PAQR5: variants seen among roughly 807,000 people sequenced by gnomAD.
The protein encoded by PAQR5 is membrane progestin receptor gamma.
PAQR5 carries 20 observed loss-of-function variants against 34.5 expected under a neutral mutation model. The observed-to-expected ratio is 0.58, with a 90% CI of 0.41 to 0.84. The LOEUF is 0.84. Ranked by LOEUF, PAQR5 falls within the 40% of genes least tolerant of loss-of-function variation. The pLI is 0.00. For missense variants in PAQR5, 378 were observed against 412.7 expected, an observed-to-expected ratio of 0.92 and a Z score of 0.73; for synonymous variants, 131 against 155.6, an observed-to-expected ratio of 0.84 and a Z score of 1.18.
At chr15:69,312,135 C>T (rs1185262058) in intron 1 of PAQR5, among the ~76,000 whole-genome samples, 1 of 151,794 alleles carries the variant, frequency 6.6e-6, no homozygotes, top group Non-Finnish European at 1.5e-5. Flanking sequence ...TTTGGGTGTC[C>T]GGGAGGACAG....
At chr15:69,321,323 T>C (rs1451863435) in intron 1 of PAQR5, among the ~76,000 whole-genome samples, 24 of 152,258 alleles carry the variant, frequency 1.6e-4, no homozygotes, top group Admixed American at 1.6e-3. Context: ...GTAGATTAAC[T>C]TCCATGCTGG....
At position 69,405,042 on chromosome 15, in the gene PAQR5, G is replaced by A. The variant is rs995013700; in HGVS notation, c.*1220G>A. ...CAAGTTTTAGCAACTCACCAACTAAGGCGTAACCTCATTTTATGTTCCAGC... is the reference window on the plus strand; with the variant it reads ...CAAGTTTTAGCAACTCACCAACTAAAGCGTAACCTCATTTTATGTTCCAGC... On this transcript the variant is annotated 3_prime_UTR_variant, in exon 9 of 9. Coordinates refer to ENST00000395407, the MANE Select transcript of PAQR5 (RefSeq NM_017705.4). The A allele has an allele frequency of 5.0e-6, 2 of 398,444 alleles. No individual in the cohort carries two copies. The highest frequency in any genetic ancestry group is 8.8e-6 in the Non-Finnish European group (2 of 226,048). The allele number at this position is 398,444 out of a possible 1,614,324, so 24.7% of individuals were successfully genotyped here.
In PAQR5 at chr15:69,398,529, G is replaced by C. The variant is rs140589438; in HGVS notation, c.609+965G>C. Among the ~76,000 whole-genome samples the C allele has an allele frequency of 8.5e-5, 13 of 152,298 alleles. No individual in the cohort carries two copies. The East Asian group carries it at 2.5e-3, about 29-fold the overall frequency. On this transcript the variant is annotated intron_variant, in intron 7 of 8. Transcript: ENST00000395407. ...CGGTGAGTGAAGCTCCCTCCTAGAGGCAGCGTCCTGTGGGCTTGAAGAATA... is the reference window on the plus strand; with the variant it reads ...CGGTGAGTGAAGCTCCCTCCTAGAGCCAGCGTCCTGTGGGCTTGAAGAATA...
chr15:69,383,798 T>C (rs2056008546), intron 4 of PAQR5, among the ~76,000 whole-genome samples: 1 of 55,670 alleles, frequency 1.8e-5, no homozygotes. Context: ...TTTGTGTTCA[T>C]GGTGGAGGGT....
chr15:69,300,939 CTT>C lies in PAQR5; in HGVS notation c.-277+1885_-277+1886del, dbSNP rs1318514731. On this transcript the variant is annotated intron_variant, in intron 1 of 8. Coordinates refer to ENST00000395407, the MANE Select transcript of PAQR5 (RefSeq NM_017705.4). ...TTTCTCTCTCTCTCTCTCTCTCTCT[CTT>C]TCTTTCCTTCTTTCTTTCTTTCTTT... Among the ~76,000 whole-genome samples the C allele has an allele frequency of 3.5e-3, 129 of 37,352 alleles. 27 individuals are homozygous for C. The highest frequency in any genetic ancestry group is 5.2e-3 in the African/African-American group (65 of 12,526). 24.5% of individuals were successfully genotyped at this position (37,352 alleles called of 152,430 possible).
chr15:69,303,483 A>G (rs7181515), intron 1 of PAQR5, among the ~76,000 whole-genome samples: 70,190 of 151,784 alleles, frequency 0.46, 19,046 homozygotes, highest in Middle Eastern at 0.62. Flanking sequence ...AAGGCAGCCA[A>G]TTCCTCTGCT....
chr15:69,300,505 A>C (rs1373812901), intron 1 of PAQR5, among the ~76,000 whole-genome samples: 1 of 152,002 alleles, frequency 6.6e-6, no homozygotes, highest in East Asian at 1.9e-4. Context: ...ACCCTTACCC[A>C]CGTGGGGCAA....
chr15:69,370,465 T>C (rs1161485527), intron 3 of PAQR5, among the ~76,000 whole-genome samples: 2 of 152,228 alleles, frequency 1.3e-5, no homozygotes, highest in African/African-American at 4.8e-5. Flanking sequence ...CAAACAGTTA[T>C]GTAAAGTGGT....
intron 1 of PAQR5, among the ~76,000 whole-genome samples, chr15:69,299,695 C>T (rs2053484484): frequency 6.6e-6 from 1 of 152,152 alleles, no homozygotes; most frequent in Non-Finnish European, 1.5e-5. Context: ...TCGGATGAGC[C>T]CAGGAGAGGG....
intron 1 of PAQR5, among the ~76,000 whole-genome samples, chr15:69,310,685 C>T (rs1292208410): frequency 6.6e-6 from 1 of 151,958 alleles, no homozygotes; most frequent in Non-Finnish European, 1.5e-5. Context: ...TTTTCCCTTC[C>T]TCATTTGGTC....
Position 69,403,793 on chromosome 15 carries a change from A to C in PAQR5, c.964A>C (p.Lys322Gln). 6.2e-7 allele frequency: 1 copy of C among 1,614,070 alleles called. No homozygotes were observed. The highest frequency in any genetic ancestry group is 8.5e-7 in the Non-Finnish European group (1 of 1,179,926). Reference protein sequence around the residue: ...YFSAALYRIPKPELHKKET With the variant: ...YFSAALYRIPQPELHKKET ...CTCAGCTGCTCTGTATCGGATTCCCAAGCCAGAATTACATAAAAAAGAAAC... is the reference window on the plus strand; with the variant it reads ...CTCAGCTGCTCTGTATCGGATTCCCCAGCCAGAATTACATAAAAAAGAAAC... The change falls in exon 9 of 9, where the codon AAG becomes CAG. Residue 322 changes from lysine to glutamine, a missense_variant. Physicochemically the swap from Lys to Gln is moderately conservative, Grantham distance 53. Coordinates refer to ENST00000395407, the MANE Select transcript of PAQR5 (RefSeq NM_017705.4).
chr15:69,353,712 G>T (rs549325829), intron 2 of PAQR5, among the ~76,000 whole-genome samples: 68 of 152,246 alleles, frequency 4.5e-4, no homozygotes, highest in Non-Finnish European at 7.6e-4. Context: ...GGAGGGAGGT[G>T]GGGGGCACCA....
intron 1 of PAQR5, among the ~76,000 whole-genome samples, chr15:69,328,582 C>A (rs1339039853): frequency 2.6e-5 from 4 of 152,102 alleles, no homozygotes; most frequent in Admixed American, 6.5e-5. Flanking sequence ...GGCTTGGGGG[C>A]AGGCCTGCAG....
At position 69,316,029 on chromosome 15, in the gene PAQR5, G is replaced by A. The variant is rs980060624; in HGVS notation, c.-277+16973G>A. 8.5e-5 allele frequency among the ~76,000 whole-genome samples: 13 copies of A among 152,310 alleles called. No individual in the cohort carries two copies. In the East Asian group the frequency reaches 1.4e-3, roughly 16 times the overall value. On this transcript the variant is annotated intron_variant, in intron 1 of 8. Transcript: ENST00000395407. Reference sequence around the variant, plus strand: ...TACACCTTCTGAGCTTGGGCTGCACGTTCTTGGGGGCTGATTTAGATGAAC... The same window carrying A: ...TACACCTTCTGAGCTTGGGCTGCACATTCTTGGGGGCTGATTTAGATGAAC...
At chr15:69,347,750 T>C (rs1184928359) in intron 2 of PAQR5, among the ~76,000 whole-genome samples, 1 of 152,184 alleles carries the variant, frequency 6.6e-6, no homozygotes, top group African/African-American at 2.4e-5. Flanking sequence ...AGACACTGTG[T>C]CTTCTTGCTG....
intron 1 of PAQR5, among the ~76,000 whole-genome samples, chr15:69,302,024 C>T (rs1418121346): frequency 6.6e-6 from 1 of 151,598 alleles, no homozygotes; most frequent in Non-Finnish European, 1.5e-5. Context: ...GTCTGTCTCT[C>T]AGCGGCTTCC....
intron 2 of PAQR5, among the ~76,000 whole-genome samples, chr15:69,352,662 C>T (rs2054952161): frequency 6.6e-6 from 1 of 152,156 alleles, no homozygotes; most frequent in East Asian, 1.9e-4. Context: ...TATGAGGCAT[C>T]CTTGAAGGAC....
In PAQR5 at chr15:69,313,049, C is replaced by T. The variant is rs537412307; in HGVS notation, c.-277+13993C>T. Reference sequence around the variant, plus strand: ...AGTGGAATTTGTGGGGAAGTCATCTCATATTCAGCAAGTGCTTGCCTAGTT... The same window carrying T: ...AGTGGAATTTGTGGGGAAGTCATCTTATATTCAGCAAGTGCTTGCCTAGTT... On this transcript the variant is annotated intron_variant, in intron 1 of 8. Transcript: ENST00000395407. 3.9e-5 allele frequency among the ~76,000 whole-genome samples: 6 copies of T among 152,316 alleles called. No homozygotes were observed. The South Asian group carries it at 1.2e-3, about 32-fold the overall frequency.
intron 2 of PAQR5, among the ~76,000 whole-genome samples, chr15:69,338,187 C>T (rs1238023508): frequency 6.6e-6 from 1 of 152,194 alleles, no homozygotes; most frequent in Admixed American, 6.5e-5. Flanking sequence ...GGACAAGAAG[C>T]CCCTCCTAAT....
Sources: gnomAD v4.1 joint callset for allele counts (sites outside exome capture counted in the v4.1 genomes callset) on GRCh38, gnomAD v4.1.1 for gene constraint, MANE v1.5 for transcripts, NCBI Gene and HGNC (gene_info 2026-07-23, HGNC 2026-07-21) for gene names.